KCNIP4: variants seen among roughly 807,000 people sequenced by gnomAD.
KCNIP4 encodes the protein Kv channel-interacting protein 4.
In KCNIP4, 12 loss-of-function variants were observed where a neutral mutation model predicts 34.0. That is an observed-to-expected ratio of 0.35 (90% confidence interval 0.23 to 0.57). The LOEUF (loss-of-function observed/expected upper bound fraction) is 0.57, where lower values mean the gene tolerates loss of function less well. Among genes scored for constraint, KCNIP4 ranks in the 20% least tolerant of loss-of-function variants. The probability of loss-of-function intolerance (pLI) is 0.83; values close to 1 mark genes in which losing one functional copy is unlikely to be tolerated. For synonymous variants in KCNIP4, 124 were observed against 102.2 expected, an observed-to-expected ratio of 1.21 and a Z score of -1.29; for missense variants, 238 against 311.7, an observed-to-expected ratio of 0.76 and a Z score of 1.78.
chr4:21,921,959 G>T (rs2108996366), intron 1 of KCNIP4, among the ~76,000 whole-genome samples: 1 of 152,178 alleles, frequency 6.6e-6, no homozygotes, highest in Non-Finnish European at 1.5e-5. Context: ...AGCCTCCAAG[G>T]TTCTCCCTGG....
At chr4:21,417,392 TAAAATAA>T (rs531569688) in intron 1 of KCNIP4, among the ~76,000 whole-genome samples, 42 of 151,804 alleles carry the variant, frequency 2.8e-4, no homozygotes, top group Non-Finnish European at 4.7e-4. Context: ...TTAAAAAAAA[TAAAATAA>T]AAAATAAAAA....
At chr4:20,993,100 T>C (rs1737233272) in intron 1 of KCNIP4, among the ~76,000 whole-genome samples, 1 of 146,904 alleles carries the variant, frequency 6.8e-6, no homozygotes, top group Admixed American at 6.8e-5. Context: ...ATGCAGGGCA[T>C]GGGTCATGGT....
At chr4:20,732,215 T>C in intron 7 of KCNIP4, 147 bp from the exon 8 acceptor site, 1 of 622,678 alleles carries the variant, frequency 1.6e-6, no homozygotes, top group South Asian at 2.1e-5. Flanking sequence ...GAACCAGCAG[T>C]TTTTTAGAGA....
intron 3 of KCNIP4, among the ~76,000 whole-genome samples, chr4:20,765,747 T>C (rs1208998882): frequency 2.6e-5 from 4 of 152,212 alleles, no homozygotes; most frequent in African/African-American, 9.6e-5. Context: ...CACTGTGATA[T>C]GATCACAACA....
At chr4:21,940,250 A>C (rs1578165833) in intron 1 of KCNIP4, among the ~76,000 whole-genome samples, 2 of 152,308 alleles carry the variant, frequency 1.3e-5, no homozygotes, top group Admixed American at 1.3e-4. Flanking sequence ...AATGGAAAAT[A>C]GAACAAACAC....
At chr4:20,749,469 G>C (rs1753173608) in intron 5 of KCNIP4, among the ~76,000 whole-genome samples, 193 bp downstream of exon 5, 1 of 152,122 alleles carries the variant, frequency 6.6e-6, no homozygotes, top group Non-Finnish European at 1.5e-5. Flanking sequence ...TAAAGCATTA[G>C]AAAATAAACT....
At chr4:20,925,069 C>T (rs190480206) in intron 1 of KCNIP4, among the ~76,000 whole-genome samples, 1 of 152,228 alleles carries the variant, frequency 6.6e-6, no homozygotes, top group East Asian at 1.9e-4. Context: ...TGGTCTGAAT[C>T]ACTATTTTCT....
intron 1 of KCNIP4, among the ~76,000 whole-genome samples, chr4:21,045,050 G>C (rs932690070): frequency 6.6e-6 from 1 of 152,222 alleles, no homozygotes; most frequent in Non-Finnish European, 1.5e-5. Context: ...AGAGATGCAT[G>C]CATTCTCCAG....
At chr4:20,942,229 G>A (rs1045380425) in intron 1 of KCNIP4, among the ~76,000 whole-genome samples, 1 of 152,118 alleles carries the variant, frequency 6.6e-6, no homozygotes, top group African/African-American at 2.4e-5. Context: ...TGAGTGTGAG[G>A]AGAAGAATTA....
intron 1 of KCNIP4, among the ~76,000 whole-genome samples, chr4:21,371,763 T>C (rs1475846883): frequency 6.8e-6 from 1 of 147,196 alleles, no homozygotes; most frequent in Admixed American, 6.6e-5. Context: ...AGGAGGCTGA[T>C]TATATTATGT....
chr4:21,477,993 A>G (rs539570142), intron 1 of KCNIP4, among the ~76,000 whole-genome samples: 5 of 152,178 alleles, frequency 3.3e-5, no homozygotes, highest in East Asian at 3.9e-4. Flanking sequence ...TCTTCAATGT[A>G]TCTAGCCTGT....
chr4:21,474,628 A>G (rs1355475258), intron 1 of KCNIP4, among the ~76,000 whole-genome samples: 1 of 152,172 alleles, frequency 6.6e-6, no homozygotes, highest in East Asian at 1.9e-4. Flanking sequence ...GTCCCAGGTC[A>G]GGTAAGGAAA....
At chr4:21,668,875 G>C (rs1749241577) in intron 1 of KCNIP4, among the ~76,000 whole-genome samples, 1 of 151,908 alleles carries the variant, frequency 6.6e-6, no homozygotes, top group Non-Finnish European at 1.5e-5. Flanking sequence ...ATTTATATTT[G>C]AACTGCATGG....
chr4:21,093,128 A>G (rs1747147153), intron 1 of KCNIP4, among the ~76,000 whole-genome samples: 1 of 152,184 alleles, frequency 6.6e-6, no homozygotes, highest in Non-Finnish European at 1.5e-5. Flanking sequence ...GACCCTTCCT[A>G]ATAAAACCAT....
At chr4:20,749,555 G>T in intron 5 of KCNIP4, 107 bp downstream of exon 5, 1 of 686,116 alleles carries the variant, frequency 1.5e-6, no homozygotes, top group Non-Finnish European at 2.4e-6. Context: ...AGTGTCCTTG[G>T]GCTTTCTTTC....
chr4:21,430,867 G>A (rs977528265), intron 1 of KCNIP4, among the ~76,000 whole-genome samples: 4 of 151,790 alleles, frequency 2.6e-5, no homozygotes, highest in African/African-American at 4.8e-5. Context: ...CATGGAATAC[G>A]AGTGTGGAGC....
intron 1 of KCNIP4, among the ~76,000 whole-genome samples, chr4:20,980,850 G>A (rs1735997641): frequency 6.6e-6 from 1 of 151,748 alleles, no homozygotes; most frequent in Non-Finnish European, 1.5e-5. Context: ...ACTATTGTGG[G>A]TCATATTTTC....
At chr4:21,310,969 C>T (rs1157397154) in intron 1 of KCNIP4, among the ~76,000 whole-genome samples, 2 of 152,062 alleles carry the variant, frequency 1.3e-5, no homozygotes, top group Non-Finnish European at 2.9e-5. Flanking sequence ...GACAATGAGC[C>T]GCATTTATGG....
chr4:21,227,724 A>G (rs1758503866), intron 1 of KCNIP4, among the ~76,000 whole-genome samples: 1 of 152,180 alleles, frequency 6.6e-6, no homozygotes, highest in African/African-American at 2.4e-5. Flanking sequence ...ATCAAAATCA[A>G]TTCCATTCTA....
Sources: allele counts gnomAD v4.1 joint callset (sites outside exome capture counted in the v4.1 genomes callset), GRCh38; gene constraint gnomAD v4.1.1; transcripts MANE v1.5; gene names NCBI Gene and HGNC (gene_info 2026-07-23, HGNC 2026-07-21).